The following GPA33 variants were observed in gnomAD, a reference collection of about 807,000 sequenced individuals.
GPA33 encodes cell surface A33 antigen.
A neutral mutation model predicts 35.6 loss-of-function variants in GPA33; 27 were observed. The observed-to-expected ratio is 0.76, with a 90% confidence interval of 0.56 to 1.04. GPA33 has a LOEUF of 1.04. Among genes scored for constraint, GPA33 ranks in the 50% least tolerant of loss-of-function variants. GPA33 has a pLI of 0.00. For synonymous variants in GPA33, 176 were observed against 164.0 expected (o/e 1.07, Z -0.56); for missense variants, 428 against 411.9 (o/e 1.04, Z -0.34).
intron 1 of GPA33, among the ~76,000 whole-genome samples, chr1:167,075,290 G>T (rs12133648): frequency 0.36 from 54,092 of 151,996 alleles, 10,972 homozygotes; most frequent in African/African-American, 0.54. Context: ...AAGGAAATCA[G>T]GCAAGAGTTG....
chr1:167,062,857 G>T (rs1181856392), intron 4 of GPA33, among the ~76,000 whole-genome samples: 1 of 151,864 alleles, frequency 6.6e-6, no homozygotes, highest in Non-Finnish European at 1.5e-5. Context: ...GGCTGAGAGG[G>T]ACCGGCCTGG....
intron 3 of GPA33, among the ~76,000 whole-genome samples, chr1:167,068,093 T>C (rs1666638524): frequency 1.3e-5 from 2 of 151,778 alleles, no homozygotes; most frequent in African/African-American, 2.4e-5. Context: ...AATTAAATTT[T>C]AAAATAAATT....
intron 1 of GPA33, among the ~76,000 whole-genome samples, chr1:167,085,849 C>T (rs1667036412): frequency 1.3e-5 from 2 of 152,232 alleles, no homozygotes; most frequent in South Asian, 2.1e-4. Context: ...TTCGTCTCTA[C>T]ACCTAGACTG....
intron 4 of GPA33, among the ~76,000 whole-genome samples, chr1:167,059,328 A>G (rs1038226028): frequency 2.6e-5 from 4 of 152,074 alleles, no homozygotes; most frequent in Non-Finnish European, 4.4e-5. Flanking sequence ...TGCAGTGGCG[A>G]CACCTTGTGG....
intron 1 of GPA33, among the ~76,000 whole-genome samples, chr1:167,077,605 T>G (rs1007523277): frequency 3.3e-4 from 51 of 152,296 alleles, no homozygotes; most frequent in African/African-American, 8.4e-4. Flanking sequence ...AAATTCTATC[T>G]GATAGTAACA....
rs1252683428 is a variant in GPA33 at position 167,069,145 on chromosome 1, A to G, written c.199-7T>C. The G allele has an allele frequency of 6.2e-7, 1 of 1,603,886 alleles. No individual in the cohort carries two copies. Among genetic ancestry groups the G allele is most frequent in the South Asian group, 1.1e-5 (1 of 90,762 alleles). ...GCCAGATGACCACCCTTTCCTGGAG[A>G]GAGAAGAAATGGCACCAGGTCTTCA... is the stretch of plus-strand genomic sequence containing the variant. On this transcript the variant is annotated splice_region_variant and splice_polypyrimidine_tract_variant and intron_variant, in intron 2 of 6. Coordinates refer to ENST00000367868, the MANE Select transcript of GPA33 (RefSeq NM_005814.3).
intron 1 of GPA33, among the ~76,000 whole-genome samples, chr1:167,079,097 G>C (rs184634559): frequency 1.3e-5 from 2 of 152,098 alleles, no homozygotes; most frequent in Non-Finnish European, 2.9e-5. Flanking sequence ...CTAAAGAATA[G>C]ATCAATTTTA....
At chr1:167,070,498 G>A (rs965498224) in intron 2 of GPA33, among the ~76,000 whole-genome samples, 4 of 152,196 alleles carry the variant, frequency 2.6e-5, no homozygotes, top group Admixed American at 6.5e-5. Flanking sequence ...TTAAGTAAAC[G>A]ACAGCGCTGA....
At chr1:167,085,013 TGA>T (rs1218962555) in intron 1 of GPA33, among the ~76,000 whole-genome samples, 2 of 152,208 alleles carry the variant, frequency 1.3e-5, no homozygotes, top group Non-Finnish European at 2.9e-5. Context: ...GTTTTCAGTT[TGA>T]GAGTTTTCAG....
chr1:167,053,839 T>A lies in GPA33; in HGVS notation c.*495A>T, dbSNP rs1331252271. The A allele has an allele frequency of 7.7e-6, 1 of 130,096 alleles. No homozygotes were observed. Among genetic ancestry groups the A allele is most frequent in the Non-Finnish European group, 1.8e-5 (1 of 56,932 alleles). The allele number at this position is 130,096 out of a possible 1,614,324, so 8.1% of individuals were successfully genotyped here. ...GAGTGGGAGCTGGAGGCCAGGCCAA[T>A]GCAGGGCCCAAGCATACTCACTTAT... On this transcript the variant is annotated 3_prime_UTR_variant, in exon 7 of 7. Transcript: ENST00000367868.
chr1:167,054,882 G>T, intron 6 of GPA33, 94 bp downstream of exon 6: 1 of 1,407,284 alleles, frequency 7.1e-7, no homozygotes, highest in Non-Finnish European at 9.9e-7. Flanking sequence ...TATACCCCAA[G>T]GGGTGCTGCA....
At chr1:167,079,716 A>G (rs1452980520) in intron 1 of GPA33, among the ~76,000 whole-genome samples, 1 of 152,188 alleles carries the variant, frequency 6.6e-6, no homozygotes, top group African/African-American at 2.4e-5. Flanking sequence ...CTTTCCACCC[A>G]TTCAGTCAAT....
intron 3 of GPA33, among the ~76,000 whole-genome samples, chr1:167,068,393 C>T (rs1042146718): frequency 2.6e-5 from 4 of 152,278 alleles, no homozygotes; most frequent in African/African-American, 7.2e-5. Context: ...ATAAGTCATT[C>T]CTATGAAAAG....
At chr1:167,090,128 C>A (rs1185144568) in intron 1 of GPA33, 117 bp downstream of exon 1, 4 of 758,978 alleles carry the variant, frequency 5.3e-6, no homozygotes, top group East Asian at 2.6e-5. Context: ...CCAGCAGGAA[C>A]GCAGCTGTGT....
At chr1:167,056,333 C>A (rs1666249748) in intron 4 of GPA33, among the ~76,000 whole-genome samples, 1 of 152,132 alleles carries the variant, frequency 6.6e-6, no homozygotes. Context: ...GAAACCAAAT[C>A]TCTTAGCTTA....
chr1:167,086,568 G>A (rs35079202), intron 1 of GPA33, among the ~76,000 whole-genome samples: 10,393 of 152,300 alleles, frequency 0.068, 385 homozygotes, highest in African/African-American at 0.094. Context: ...GAGCAGACAA[G>A]TGTAGGGCAC....
intron 4 of GPA33, among the ~76,000 whole-genome samples, chr1:167,056,548 AGTGTGT>A (rs1666259403): frequency 8.3e-5 from 1 of 12,078 alleles, no homozygotes; most frequent in Non-Finnish European, 2.0e-4. Context: ...CTGTGAGAGT[AGTGTGT>A]GTATGGTATG....
chr1:167,081,278 A>G lies in GPA33; in HGVS notation c.44-7739T>C, dbSNP rs1019727915. Among the ~76,000 whole-genome samples the G allele has an allele frequency of 2.0e-4, 30 of 152,222 alleles. 1 individual carries two copies. The highest frequency in any genetic ancestry group is 7.3e-5 in the Non-Finnish European group (5 of 68,036). Reference sequence around the variant, plus strand: ...GTAATGCCTCCACTTGGGAAAATCTATTTGCTCAGAGAAACCACGTTCTTA... The same window carrying G: ...GTAATGCCTCCACTTGGGAAAATCTGTTTGCTCAGAGAAACCACGTTCTTA... On this transcript the variant is annotated intron_variant, in intron 1 of 6. Coordinates refer to ENST00000367868, the MANE Select transcript of GPA33 (RefSeq NM_005814.3).
intron 2 of GPA33, among the ~76,000 whole-genome samples, chr1:167,072,748 T>TTGCA (rs1283493343): frequency 6.6e-6 from 1 of 152,160 alleles, no homozygotes; most frequent in Non-Finnish European, 1.5e-5. Flanking sequence ...CAAGATGTAT[T>TTGCA]AAGAGTCGAA....
Sources: allele counts gnomAD v4.1 joint callset (sites outside exome capture counted in the v4.1 genomes callset), GRCh38; gene constraint gnomAD v4.1.1; transcripts MANE v1.5; gene names NCBI Gene and HGNC (gene_info 2026-07-23, HGNC 2026-07-21).